Variants in SPPL3 observed in about 807,000 individuals in gnomAD.
SPPL3 encodes the protein signal peptide peptidase-like 3.
Under a neutral mutation model 42.4 loss-of-function variants are expected in SPPL3, and 5 were observed. That is an observed-to-expected ratio of 0.12 (90% CI 0.06 to 0.25). SPPL3 has a LOEUF of 0.25. Among genes scored for constraint, SPPL3 ranks in the 10% least tolerant of loss-of-function variants. The probability of loss-of-function intolerance (pLI) is 1.00; values close to 1 mark genes in which losing one functional copy is unlikely to be tolerated. For synonymous variants in SPPL3, 195 were observed against 181.8 expected (o/e 1.07, Z -0.58); for missense variants, 235 against 489.0 (o/e 0.48, Z 4.90).
At chr12:120,776,725 G>A (rs566061659) in intron 6 of SPPL3, among the ~76,000 whole-genome samples, 1 of 152,216 alleles carries the variant, frequency 6.6e-6, no homozygotes, top group East Asian at 1.9e-4. Context: ...GGCTTACTAA[G>A]CACTTTTAAA....
chr12:120,881,844 A>C (rs1053665556), intron 1 of SPPL3, among the ~76,000 whole-genome samples: 1 of 151,772 alleles, frequency 6.6e-6, no homozygotes, highest in Non-Finnish European at 1.5e-5. Flanking sequence ...CATTTATATG[A>C]GGTACCTAGC....
At chr12:120,848,420 C>A (rs1248926406) in intron 1 of SPPL3, among the ~76,000 whole-genome samples, 1 of 152,072 alleles carries the variant, frequency 6.6e-6, no homozygotes, top group Non-Finnish European at 1.5e-5. Flanking sequence ...TTGAACATGG[C>A]AGGGAGCCCA....
intron 2 of SPPL3, among the ~76,000 whole-genome samples, chr12:120,801,102 G>A (rs1592969145): frequency 6.6e-6 from 1 of 152,244 alleles, no homozygotes; most frequent in East Asian, 1.9e-4. Context: ...ATTTGCATCT[G>A]TAGAGAAAAT....
Position 120,781,555 on chromosome 12 carries a change from G to GTGTTTTTTTTTTTTTTTTTTTT in SPPL3, c.502+1099_502+1100insAAAAAAAAAAAAAAAAAAAACA, listed in dbSNP as rs1869541007. Among the ~76,000 whole-genome samples, 5 of 62,994 alleles carry GTGTTTTTTTTTTTTTTTTTTTT rather than the reference G, an allele frequency of 7.9e-5. 1 individual carries two copies. Among genetic ancestry groups the GTGTTTTTTTTTTTTTTTTTTTT allele is most frequent in the African/African-American group, 3.4e-4 (5 of 14,614 alleles). The allele number at this position is 62,994 out of a possible 152,430, so 41.3% of individuals were successfully genotyped here. On this transcript the variant is annotated intron_variant, in intron 6 of 10. Coordinates refer to ENST00000353487, the MANE Select transcript of SPPL3 (RefSeq NM_139015.5). ...TCTAATCCCATCTCCTTATTGTTAC[G>GTGTTTTTTTTTTTTTTTTTTTT]TTTTTTTTTTTTTTTTTTTTTTTTT...
At chr12:120,820,079 C>T (rs1170394327) in intron 1 of SPPL3, among the ~76,000 whole-genome samples, 8 of 152,276 alleles carry the variant, frequency 5.3e-5, no homozygotes, top group Non-Finnish European at 8.8e-5. Flanking sequence ...GAATTGCTGC[C>T]TTCTACCTTT....
intron 6 of SPPL3, among the ~76,000 whole-genome samples, chr12:120,777,489 A>G (rs551136248): frequency 1.3e-5 from 2 of 152,274 alleles, no homozygotes; most frequent in South Asian, 4.2e-4. Context: ...GAATTCAACA[A>G]ATGCTACTCT....
intron 7 of SPPL3, 102 bp from the exon 8 acceptor site, chr12:120,768,590 A>ACT: frequency 1.5e-6 from 2 of 1,299,128 alleles, no homozygotes; most frequent in Non-Finnish European, 2.1e-6. Context: ...GAATGCTGTG[A>ACT]CTGCAATGCT....
At chr12:120,877,869 A>G (rs1278859556) in intron 1 of SPPL3, among the ~76,000 whole-genome samples, 1 of 151,858 alleles carries the variant, frequency 6.6e-6, no homozygotes, top group Admixed American at 6.6e-5. Flanking sequence ...AAAAGCAATC[A>G]GTGTAGGCTG....
chr12:120,846,128 A>G (rs773745902), intron 1 of SPPL3, among the ~76,000 whole-genome samples: 1 of 152,044 alleles, frequency 6.6e-6, no homozygotes, highest in Admixed American at 6.5e-5. Flanking sequence ...AAGTCCTGTC[A>G]TTACTGATAT....
intron 2 of SPPL3, among the ~76,000 whole-genome samples, chr12:120,801,534 CA>C (rs1358390183): frequency 1.3e-5 from 2 of 151,906 alleles, no homozygotes; most frequent in Non-Finnish European, 2.9e-5. Flanking sequence ...AGCGAGGATT[CA>C]GGGGGCACAG....
At chr12:120,802,740 C>T (rs1401409711) in intron 2 of SPPL3, among the ~76,000 whole-genome samples, 1 of 151,714 alleles carries the variant, frequency 6.6e-6, no homozygotes, top group Non-Finnish European at 1.5e-5. Flanking sequence ...TGGTCTGCTA[C>T]CAATATTTAT....
intron 2 of SPPL3, among the ~76,000 whole-genome samples, chr12:120,804,639 T>C (rs1032882946): frequency 6.6e-6 from 1 of 152,178 alleles, no homozygotes; most frequent in Non-Finnish European, 1.5e-5. Context: ...ACCTCATACA[T>C]TGCTAGTGGG....
At chr12:120,879,869 CAG>C (rs1250004877) in intron 1 of SPPL3, among the ~76,000 whole-genome samples, 6 of 152,086 alleles carry the variant, frequency 3.9e-5, no homozygotes, top group East Asian at 1.9e-4. Flanking sequence ...CATATATATA[CAG>C]AGTTTAACAA....
intron 1 of SPPL3, among the ~76,000 whole-genome samples, chr12:120,859,652 C>T (rs1872569210): frequency 6.6e-6 from 1 of 152,130 alleles, no homozygotes; most frequent in Non-Finnish European, 1.5e-5. Flanking sequence ...AGAAAACATA[C>T]AGACTCAAAA....
intron 1 of SPPL3, among the ~76,000 whole-genome samples, chr12:120,852,271 C>T (rs1269476454): frequency 1.3e-5 from 2 of 149,678 alleles, no homozygotes; most frequent in African/African-American, 4.9e-5. Context: ...TAGTTACATG[C>T]CAATTTGACA....
intron 1 of SPPL3, chr12:120,845,444 G>C: frequency 2.5e-6 from 1 of 404,974 alleles, no homozygotes; most frequent in Non-Finnish European, 4.9e-6. Flanking sequence ...TCTTGTCCGA[G>C]CCGCCCACGC....
intron 1 of SPPL3, 88 bp from the exon 2 acceptor site, chr12:120,810,974 G>A: frequency 1.2e-6 from 1 of 831,184 alleles, no homozygotes; most frequent in Non-Finnish European, 1.9e-6. Context: ...AAACCCCACT[G>A]AGCTTTGTTT....
intron 1 of SPPL3, among the ~76,000 whole-genome samples, chr12:120,897,097 T>C (rs1873831442): frequency 2.0e-5 from 3 of 152,206 alleles, no homozygotes; most frequent in Admixed American, 2.0e-4. Context: ...AATTTATTAA[T>C]GTTATTAATG....
intron 2 of SPPL3, among the ~76,000 whole-genome samples, chr12:120,793,563 T>C (rs1018389634): frequency 6.6e-6 from 1 of 152,188 alleles, no homozygotes; most frequent in Non-Finnish European, 1.5e-5. Flanking sequence ...TAACTAAGTG[T>C]TGGCAAGGAC....
Sources: gnomAD v4.1 joint callset for allele counts (sites outside exome capture counted in the v4.1 genomes callset) on GRCh38, gnomAD v4.1.1 for gene constraint, MANE v1.5 for transcripts, NCBI Gene and HGNC (gene_info 2026-07-23, HGNC 2026-07-21) for gene names.